STAMBPL1: variants seen among roughly 807,000 people sequenced by gnomAD.
STAMBPL1 encodes AMSH-like protease.
In STAMBPL1, 44 loss-of-function variants were observed where a neutral mutation model predicts 52.9. The observed-to-expected ratio is 0.83, with a 90% CI of 0.65 to 1.07. The LOEUF is 1.07. STAMBPL1 is among the 50% of genes least tolerant of loss of function. The pLI is 0.00. For missense variants in STAMBPL1, 511 were observed against 520.8 expected (o/e 0.98, Z 0.18); for synonymous variants, 164 against 177.3 (o/e 0.92, Z 0.60).
intron 1 of STAMBPL1, among the ~76,000 whole-genome samples, chr10:88,894,254 C>G (rs148036447): frequency 1.3e-5 from 2 of 152,254 alleles, no homozygotes; most frequent in African/African-American, 4.8e-5. Context: ...CATGTCTAAT[C>G]CCAAGGCTCA....
rs1489076718 is a variant in STAMBPL1 at position 88,913,547 on chromosome 10, C to T, written c.778+89C>T. The T allele has an allele frequency of 2.6e-6, 3 of 1,143,960 alleles. No homozygotes were observed. In the East Asian group the frequency reaches 7.1e-5, roughly 27 times the overall value. The allele number at this position is 1,143,960 out of a possible 1,614,324, so 70.9% of individuals were successfully genotyped here. ...GCATCTGGGAGGGTCCTTCTCATTT[C>T]ATTATTAATTGTAGTAGGACCCCTG... On this transcript the variant is annotated intron_variant, in intron 6 of 10. Transcript: ENST00000371926.
chr10:88,880,935 G>T (rs555570944), intron 1 of STAMBPL1, among the ~76,000 whole-genome samples: 1 of 152,280 alleles, frequency 6.6e-6, no homozygotes, highest in African/African-American at 2.4e-5. Context: ...GGCAGGGCGG[G>T]ACTCTGGCCG....
intron 1 of STAMBPL1, among the ~76,000 whole-genome samples, chr10:88,892,353 CGTGTGT>C (rs5786841): frequency 2.5e-4 from 37 of 148,996 alleles, no homozygotes; most frequent in East Asian, 1.6e-3. Flanking sequence ...TGTGCGTGTG[CGTGTGT>C]GTGTGTGTGT....
chr10:88,881,482 C>A (rs1844405029), intron 1 of STAMBPL1, among the ~76,000 whole-genome samples: 1 of 152,058 alleles, frequency 6.6e-6, no homozygotes, highest in Non-Finnish European at 1.5e-5. Flanking sequence ...TCAAAGTAAG[C>A]CCCAGTGAGC....
intron 6 of STAMBPL1, among the ~76,000 whole-genome samples, chr10:88,914,015 G>A (rs552368287): frequency 1.3e-5 from 2 of 152,236 alleles, no homozygotes; most frequent in Admixed American, 6.5e-5. Flanking sequence ...ATTCTTCTTC[G>A]CAGACACTGT....
chr10:88,896,806 G>A (rs766516795), intron 1 of STAMBPL1, among the ~76,000 whole-genome samples: 11 of 151,808 alleles, frequency 7.2e-5, no homozygotes, highest in Non-Finnish European at 1.6e-4. Flanking sequence ...GATGAAAATG[G>A]GTCAGGATTC....
At chr10:88,907,298 G>A (rs1214794804) in intron 3 of STAMBPL1, among the ~76,000 whole-genome samples, 1 of 152,182 alleles carries the variant, frequency 6.6e-6, no homozygotes, top group Non-Finnish European at 1.5e-5. Context: ...ATTGAGATCT[G>A]CATTTTATTC....
intron 8 of STAMBPL1, among the ~76,000 whole-genome samples, chr10:88,919,641 T>C (rs1487752880): frequency 6.6e-6 from 1 of 152,180 alleles, no homozygotes; most frequent in Non-Finnish European, 1.5e-5. Flanking sequence ...CCTTGTAAGA[T>C]AACAGGCTGT....
chr10:88,913,216 T>G lies in STAMBPL1; in HGVS notation c.536T>G (p.Phe179Cys). ...QQQLESEQFL[F>C]FEDQLKKQEL... ...CAGCTAGAATCGGAGCAGTTTCTGTTTTTCGAAGATCAACTCAAGAAGCAA... is the reference window on the plus strand; with the variant it reads ...CAGCTAGAATCGGAGCAGTTTCTGTGTTTCGAAGATCAACTCAAGAAGCAA... The change falls in exon 6 of 11, where the codon TTT (phenylalanine) becomes TGT (cysteine). Residue 179 changes from phenylalanine to cysteine, a missense_variant. Coordinates refer to ENST00000371926, the MANE Select transcript of STAMBPL1 (RefSeq NM_020799.4). The G allele has an allele frequency of 6.2e-7, 1 of 1,613,840 alleles. No individual in the cohort carries two copies. The highest frequency in any genetic ancestry group is 8.5e-7 in the Non-Finnish European group (1 of 1,179,852).
Position 88,923,452 on chromosome 10 carries a change from A to C in STAMBPL1, c.*228A>C, listed in dbSNP as rs1370004210. 18 of 1,246,780 alleles carry C rather than the reference A, an allele frequency of 1.4e-5. No homozygotes were observed. The highest frequency in any genetic ancestry group is 1.6e-5 in the African/African-American group (1 of 64,066). The allele number at this position is 1,246,780 out of a possible 1,614,324, so 77.2% of individuals were successfully genotyped here. On this transcript the variant is annotated 3_prime_UTR_variant, in exon 11 of 11. Coordinates refer to ENST00000371926, the MANE Select transcript of STAMBPL1 (RefSeq NM_020799.4). The stretch of plus-strand genomic sequence containing the variant: ...AATCGGTACCTGATAATGTACCCAA[A>C]TACTATGGCCAGATAATAAATTGTG...
At chr10:88,888,557 A>C (rs2133124627) in intron 1 of STAMBPL1, among the ~76,000 whole-genome samples, 1 of 152,264 alleles carries the variant, frequency 6.6e-6, no homozygotes, top group South Asian at 2.1e-4. Flanking sequence ...TTTTTGGTAA[A>C]TTGCTTTTTC....
chr10:88,903,507 G>A (rs1844997606), intron 2 of STAMBPL1, among the ~76,000 whole-genome samples: 2 of 152,206 alleles, frequency 1.3e-5, no homozygotes, highest in Non-Finnish European at 2.9e-5. Flanking sequence ...ATAACTCAGT[G>A]TGGACTAAGT....
chr10:88,903,186 ATAT>A (rs571302790), intron 2 of STAMBPL1, among the ~76,000 whole-genome samples: 6 of 152,246 alleles, frequency 3.9e-5, no homozygotes, highest in Non-Finnish European at 5.9e-5. Context: ...TGCAAATGAA[ATAT>A]TATAGATTGA....
intron 1 of STAMBPL1, among the ~76,000 whole-genome samples, chr10:88,888,759 T>A (rs1844605864): frequency 6.6e-6 from 1 of 152,188 alleles, no homozygotes; most frequent in African/African-American, 2.4e-5. Context: ...AATTTACACA[T>A]GTAGAAATTG....
In STAMBPL1 at chr10:88,923,367, T is replaced by C. The variant is rs1530281; in HGVS notation, c.*143T>C. The stretch of plus-strand genomic sequence containing the variant: ...GACAAAGCTTGATATTTATTGCTGT[T>C]GCACATTTTAAAGTTTTCTTTTTGG... On this transcript the variant is annotated 3_prime_UTR_variant, in exon 11 of 11. Transcript: ENST00000371926. 0.53 allele frequency: 726,448 copies of C among 1,383,098 alleles called. 196,328 individuals are homozygous for C. The highest frequency in any genetic ancestry group is 0.88 in the East Asian group (31,358 of 35,658). 85.7% of individuals were successfully genotyped at this position (1,383,098 alleles called of 1,614,324 possible). A position where few individuals can be genotyped will look rare whatever the true frequency, so the allele number is the denominator to read the frequency against.
rs183309948 is a variant in STAMBPL1 at position 88,922,489 on chromosome 10, C to G, written c.1254+53C>G. The G allele has an allele frequency of 1.8e-5, 27 of 1,534,328 alleles. No homozygotes were observed. In the African/African-American group the frequency reaches 1.8e-4, roughly 10 times the overall value. On this transcript the variant is annotated intron_variant, in intron 10 of 10. Transcript: ENST00000371926. ...CAGGTATTTCTTGTTCACTGCCCCC[C>G]CAATCTGTTTTTAAATAAATAGTAG...
At chr10:88,915,897 A>G (rs1589377453) in intron 7 of STAMBPL1, among the ~76,000 whole-genome samples, 1 of 152,120 alleles carries the variant, frequency 6.6e-6, no homozygotes, top group South Asian at 2.1e-4. Context: ...ATCAGGGCAA[A>G]GGAGCAGTGC....
rs1161395102 is a variant in STAMBPL1 at position 88,905,557 on chromosome 10, C to T, written c.145C>T (p.Arg49Ter). ...NITISEDITP[R>*]RYFRSGVEME... Reference sequence around the variant, plus strand: ...CACCATCAGTGAAGACATCACTCCACGACGTTACTTTAGGTCTGGAGTAGA... The same window carrying T: ...CACCATCAGTGAAGACATCACTCCATGACGTTACTTTAGGTCTGGAGTAGA... Residue 49 changes from arginine (R) to a stop codon, truncating the protein, a stop_gained, in exon 3 of 11, where the codon CGA becomes TGA. Transcript: ENST00000371926. LOFTEE classifies it high-confidence loss of function. 2 of 1,614,064 alleles carry T rather than the reference C, an allele frequency of 1.2e-6. No homozygotes were observed. Among genetic ancestry groups the T allele is most frequent in the Admixed American group, 1.7e-5 (1 of 60,002 alleles).
At chr10:88,905,906 C>T (rs935228459) in intron 3 of STAMBPL1, among the ~76,000 whole-genome samples, 1 of 152,106 alleles carries the variant, frequency 6.6e-6, no homozygotes, top group African/African-American at 2.4e-5. Context: ...TTTCCAAGGC[C>T]AGCATAGTAA....
Sources: allele counts gnomAD v4.1 joint callset (sites outside exome capture counted in the v4.1 genomes callset), GRCh38; gene constraint gnomAD v4.1.1; transcripts MANE v1.5; gene names NCBI Gene and HGNC (gene_info 2026-07-23, HGNC 2026-07-21).